EPB41L4B: variants seen among roughly 807,000 people sequenced by gnomAD.
EPB41L4B encodes erythrocyte membrane protein band 4.1 like 4B, also known as band 4.1-like protein 4B.
A neutral mutation model predicts 112.5 loss-of-function variants in EPB41L4B; 30 were observed. That is an observed-to-expected ratio of 0.27 (90% CI 0.20 to 0.36). The LOEUF is 0.36. EPB41L4B is among the 10% of genes least tolerant of loss of function. EPB41L4B has a pLI of 1.00. For synonymous variants in EPB41L4B, 408 were observed against 439.7 expected, an observed-to-expected ratio of 0.93 and a Z score of 0.90; for missense variants, 1,024 against 1,133.3, an observed-to-expected ratio of 0.90 and a Z score of 1.38.
chr9:109,264,345 T>C (rs961916975), intron 5 of EPB41L4B, among the ~76,000 whole-genome samples: 10 of 152,194 alleles, frequency 6.6e-5, no homozygotes, highest in African/African-American at 1.7e-4. Flanking sequence ...TTTCATGTAA[T>C]AGAAAATATT....
intron 1 of EPB41L4B, among the ~76,000 whole-genome samples, chr9:109,303,416 A>G (rs1400937393): frequency 6.6e-6 from 1 of 151,808 alleles, no homozygotes; most frequent in Non-Finnish European, 1.5e-5. Context: ...CGCGATCTCG[A>G]CTCACTGCAA....
intron 20 of EPB41L4B, among the ~76,000 whole-genome samples, chr9:109,198,834 C>T (rs762782373): frequency 2.0e-5 from 3 of 150,638 alleles, no homozygotes; most frequent in Non-Finnish European, 2.9e-5. Context: ...TGCTTGAATC[C>T]GGGAGGTGGA....
At chr9:109,269,594 G>A (rs1835537067) in intron 2 of EPB41L4B, among the ~76,000 whole-genome samples, 1 of 152,182 alleles carries the variant, frequency 6.6e-6, no homozygotes, top group Non-Finnish European at 1.5e-5. Context: ...CCCCTGTTAA[G>A]ACTCTTGAGA....
chr9:109,233,931 C>T (rs1287612904), intron 15 of EPB41L4B, among the ~76,000 whole-genome samples: 1 of 152,138 alleles, frequency 6.6e-6, no homozygotes, highest in Non-Finnish European at 1.5e-5. Context: ...GTTAATTGTA[C>T]TTCATCAGCC....
chr9:109,218,117 C>A (rs1564273285), intron 15 of EPB41L4B, among the ~76,000 whole-genome samples: 2 of 134,216 alleles, frequency 1.5e-5, no homozygotes. Flanking sequence ...ATCTCTAATA[C>A]TAATAATTCT....
chr9:109,317,652 T>G (rs1837683048), intron 1 of EPB41L4B, among the ~76,000 whole-genome samples: 1 of 152,248 alleles, frequency 6.6e-6, no homozygotes, highest in Non-Finnish European at 1.5e-5. Flanking sequence ...TTCTCAAGGC[T>G]AACGCCGCCT....
Position 109,256,456 on chromosome 9 carries a change from T to A in EPB41L4B, c.777A>T (p.Glu259Asp). ...ACTTCGCTTTATTCAGATAGGAGAG[T>A]TCCGCCTGGGCAGGGCTCTTTCCCC... ...ECRGKSPAQA[E>D]LSYLNKAKWL... The change falls in exon 8 of 26, where the codon GAA (glutamate) becomes GAT (aspartate). Residue 259 changes from glutamate to aspartate, a missense_variant. Physicochemically the swap from Glu to Asp is conservative, Grantham distance 45 (BLOSUM62 2). Transcript: ENST00000374566. 2 of 1,614,152 alleles carry A rather than the reference T, an allele frequency of 1.2e-6. No homozygotes were observed. Among genetic ancestry groups the A allele is most frequent in the Non-Finnish European group, 1.7e-6 (2 of 1,180,018 alleles).
intron 2 of EPB41L4B, among the ~76,000 whole-genome samples, chr9:109,274,775 ACATCAG>A (rs1165811790): frequency 2.0e-5 from 3 of 152,220 alleles, no homozygotes; most frequent in Non-Finnish European, 4.4e-5. Flanking sequence ...ATTCTTAGGA[ACATCAG>A]TGTCTCTGAG....
In EPB41L4B at chr9:109,173,966, G is replaced by A. The variant is rs900535558; in HGVS notation, c.*588C>T. 6.6e-6 allele frequency: 1 copy of A among 152,248 alleles called. No homozygotes were observed. Among genetic ancestry groups the A allele is most frequent in the African/African-American group, 2.4e-5 (1 of 41,430 alleles). 9.4% of individuals were successfully genotyped at this position (152,248 alleles called of 1,614,324 possible). ...TTCCAAATAATATCATATCCAAGGA[G>A]TTCACAAGTTAAATTATATTTCAGA... is the stretch of plus-strand genomic sequence containing the variant. On this transcript the variant is annotated 3_prime_UTR_variant, in exon 26 of 26. Transcript: ENST00000374566.
chr9:109,233,415 C>G (rs564373667), intron 15 of EPB41L4B, among the ~76,000 whole-genome samples: 1 of 152,282 alleles, frequency 6.6e-6, no homozygotes, highest in South Asian at 2.1e-4. Context: ...AAAGGAAACA[C>G]AGATATTCAA....
chr9:109,216,142 C>T (rs1833358541), intron 16 of EPB41L4B, among the ~76,000 whole-genome samples: 1 of 152,158 alleles, frequency 6.6e-6, no homozygotes, highest in Non-Finnish European at 1.5e-5. Flanking sequence ...GCCATCACTC[C>T]CCTCCCCTCT....
At chr9:109,279,942 T>C (rs754671095) in intron 1 of EPB41L4B, 21 bp from the exon 2 acceptor site, 8 of 1,597,442 alleles carry the variant, frequency 5.0e-6, no homozygotes, top group African/African-American at 2.7e-5. Context: ...ATTGGGAAGA[T>C]GAAAAAACTT....
chr9:109,309,270 C>T (rs527852615), intron 1 of EPB41L4B, among the ~76,000 whole-genome samples: 1 of 152,174 alleles, frequency 6.6e-6, no homozygotes, highest in African/African-American at 2.4e-5. Flanking sequence ...AAAGAGTGGG[C>T]AGAGCTGATG....
chr9:109,268,130 G>T (rs1055610301), intron 3 of EPB41L4B, among the ~76,000 whole-genome samples: 1 of 152,202 alleles, frequency 6.6e-6, no homozygotes, highest in Non-Finnish European at 1.5e-5. Context: ...TGAATAGCAG[G>T]TTAATCAGTT....
intron 21 of EPB41L4B, 25 bp from the exon 22 acceptor site, chr9:109,192,380 G>C: frequency 6.4e-7 from 1 of 1,563,206 alleles, no homozygotes; most frequent in Non-Finnish European, 8.7e-7. Flanking sequence ...AAACACCCCT[G>C]GTTAGAGACG....
At chr9:109,294,306 C>CA (rs754733623) in intron 1 of EPB41L4B, among the ~76,000 whole-genome samples, 1,978 of 55,848 alleles carry the variant, frequency 0.035, 38 homozygotes, top group East Asian at 0.17. Context: ...GACTCCGTCT[C>CA]AAAAAAAAAA....
chr9:109,294,982 T>A (rs989227245), intron 1 of EPB41L4B, among the ~76,000 whole-genome samples: 1 of 152,158 alleles, frequency 6.6e-6, no homozygotes, highest in Non-Finnish European at 1.5e-5. Context: ...GAGTCTGACA[T>A]CCACGGTGAC....
chr9:109,279,483 C>G (rs139198604), intron 2 of EPB41L4B, among the ~76,000 whole-genome samples: 62 of 152,322 alleles, frequency 4.1e-4, no homozygotes, highest in African/African-American at 1.4e-3. Context: ...TCCCAAAGTG[C>G]TGGGATTACA....
intron 18 of EPB41L4B, among the ~76,000 whole-genome samples, chr9:109,204,152 A>G (rs1186634551): frequency 2.0e-5 from 3 of 152,242 alleles, no homozygotes; most frequent in East Asian, 1.9e-4. Context: ...TCACATCAGC[A>G]TAACAACCAT....
Sources: gnomAD v4.1 joint callset for allele counts (sites outside exome capture counted in the v4.1 genomes callset) on GRCh38, gnomAD v4.1.1 for gene constraint, MANE v1.5 for transcripts, NCBI Gene and HGNC (gene_info 2026-07-23, HGNC 2026-07-21) for gene names.